HDAC9: variants seen among roughly 807,000 people sequenced by gnomAD.
The protein encoded by HDAC9 is histone deacetylase 9.
HDAC9 carries 41 observed loss-of-function variants against 139.4 expected under a neutral mutation model. The observed-to-expected ratio is 0.29, with a 90% CI of 0.23 to 0.38. HDAC9 has a LOEUF of 0.38. Among genes scored for constraint, HDAC9 ranks in the 10% least tolerant of loss-of-function variants. The pLI is 1.00. For missense variants in HDAC9, 1,147 were observed against 1,297.0 expected (o/e 0.88, Z 1.78); for synonymous variants, 517 against 476.2 (o/e 1.09, Z -1.12).
intron 7 of HDAC9, among the ~76,000 whole-genome samples, chr7:18,633,848 C>T (rs1008698393): frequency 6.6e-6 from 1 of 151,988 alleles, no homozygotes; most frequent in Admixed American, 6.6e-5. Context: ...TTAATAAATG[C>T]ATTAGTTTCT....
At chr7:18,861,753 C>A (rs1246228246) in intron 21 of HDAC9, among the ~76,000 whole-genome samples, 1 of 152,102 alleles carries the variant, frequency 6.6e-6, no homozygotes, top group African/African-American at 2.4e-5. Flanking sequence ...TTAAAATTAG[C>A]ATTGGCTTCT....
At chr7:18,269,652 T>C (rs140597357) in intron 2 of HDAC9, among the ~76,000 whole-genome samples, 2 of 151,884 alleles carry the variant, frequency 1.3e-5, no homozygotes, top group East Asian at 3.9e-4. Context: ...AGCCCTGGAG[T>C]TGGAGGTTGG....
chr7:18,891,162 A>T (rs1269654023), intron 22 of HDAC9, among the ~76,000 whole-genome samples: 1 of 152,114 alleles, frequency 6.6e-6, no homozygotes, highest in African/African-American at 2.4e-5. Context: ...TTAGTCAAAG[A>T]TTTCTCCCCA....
chr7:18,725,959 T>C (rs1178139084), intron 12 of HDAC9, among the ~76,000 whole-genome samples: 9 of 152,206 alleles, frequency 5.9e-5, no homozygotes, highest in African/African-American at 2.2e-4. Flanking sequence ...ATGTGAAATA[T>C]ACCTTCCAAT....
chr7:18,898,887 A>G (rs1801448286), intron 22 of HDAC9, among the ~76,000 whole-genome samples: 1 of 151,974 alleles, frequency 6.6e-6, no homozygotes, highest in South Asian at 2.1e-4. Context: ...CACTTACACA[A>G]TATGCTTAAA....
intron 2 of HDAC9, among the ~76,000 whole-genome samples, chr7:18,540,273 CAAA>C (rs967501382): frequency 2.3e-5 from 1 of 43,192 alleles, no homozygotes; most frequent in Non-Finnish European, 5.0e-5. Context: ...AACTCCATCT[CAAA>C]AAAAAAAAAA....
chr7:18,454,294 T>C (rs1793149902), intron 1 of HDAC9, among the ~76,000 whole-genome samples: 1 of 152,114 alleles, frequency 6.6e-6, no homozygotes, highest in South Asian at 2.1e-4. Flanking sequence ...CACTCGAATT[T>C]TGAGATTAAA....
intron 1 of HDAC9, among the ~76,000 whole-genome samples, chr7:18,089,388 C>T (rs918144139): frequency 1.3e-5 from 2 of 151,904 alleles, no homozygotes; most frequent in South Asian, 4.1e-4. Context: ...TTTATACATG[C>T]TTATAGATTT....
chr7:18,647,135 G>T (rs368640499), intron 9 of HDAC9, among the ~76,000 whole-genome samples: 1 of 152,032 alleles, frequency 6.6e-6, no homozygotes, highest in South Asian at 2.1e-4. Flanking sequence ...CTTATCTCCA[G>T]CTTCTTAATC....
intron 22 of HDAC9, among the ~76,000 whole-genome samples, chr7:18,920,687 A>G (rs1422727674): frequency 6.6e-6 from 1 of 152,102 alleles, no homozygotes; most frequent in Non-Finnish European, 1.5e-5. Context: ...TAATTTATTG[A>G]GCGTTTTTAG....
chr7:18,180,822 C>A (rs1409040906), intron 2 of HDAC9, among the ~76,000 whole-genome samples: 1 of 152,152 alleles, frequency 6.6e-6, no homozygotes, highest in Non-Finnish European at 1.5e-5. Flanking sequence ...ATCAGTTTCA[C>A]TGGGCTGAAA....
At position 18,461,704 on chromosome 7, in the gene HDAC9, G is replaced by A. The variant is rs375846441; in HGVS notation, c.-41-34558G>A. Among the ~76,000 whole-genome samples, 302 of 152,180 alleles carry A rather than the reference G, an allele frequency of 2.0e-3. 1 individual carries two copies. The highest frequency in any genetic ancestry group is 6.0e-3 in the African/African-American group (249 of 41,542). On this transcript the variant is annotated intron_variant, in intron 1 of 3. Coordinates refer to the HDAC9 transcript ENST00000413509. ...GTCATTGCCTACCTTTATCTCCAGG[G>A]CAGCATCTGATCAGAGATCTCCCTT...
chr7:18,291,420 A>T (rs867603391), intron 1 of HDAC9, among the ~76,000 whole-genome samples: 1 of 152,082 alleles, frequency 6.6e-6, no homozygotes, highest in East Asian at 1.9e-4. Flanking sequence ...CCTCACCTAA[A>T]AATGAATACA....
intron 1 of HDAC9, among the ~76,000 whole-genome samples, chr7:18,467,213 T>C (rs376220215): frequency 6.6e-6 from 1 of 152,224 alleles, no homozygotes; most frequent in Non-Finnish European, 1.5e-5. Context: ...TGTCAGTTAA[T>C]GGACTCACAT....
At chr7:18,534,622 G>A (rs1049500890) in intron 2 of HDAC9, among the ~76,000 whole-genome samples, 3 of 152,136 alleles carry the variant, frequency 2.0e-5, no homozygotes, top group Admixed American at 6.5e-5. Context: ...CTTATGAGTC[G>A]TTAGGTGTCT....
At chr7:18,813,067 T>G (rs1218157199) in intron 17 of HDAC9, among the ~76,000 whole-genome samples, 1 of 152,118 alleles carries the variant, frequency 6.6e-6, no homozygotes, top group Admixed American at 6.6e-5. Context: ...TGTAGATTGT[T>G]TGACATGCTT....
chr7:18,429,535 C>CTG (rs984834782), intron 1 of HDAC9, among the ~76,000 whole-genome samples: 2 of 150,762 alleles, frequency 1.3e-5, no homozygotes, highest in Middle Eastern at 3.4e-3. Flanking sequence ...AAGTTTGACT[C>CTG]TGTGTGTGTG....
intron 1 of HDAC9, among the ~76,000 whole-genome samples, chr7:18,152,309 T>C (rs1786840889): frequency 6.6e-6 from 1 of 152,204 alleles, no homozygotes; most frequent in South Asian, 2.1e-4. Context: ...AAACTGAAGG[T>C]CAGAATGGTA....
intron 22 of HDAC9, among the ~76,000 whole-genome samples, chr7:18,875,338 A>G (rs1431200059): frequency 1.3e-5 from 2 of 152,186 alleles, no homozygotes; most frequent in Non-Finnish European, 2.9e-5. Context: ...AGAAGAAAAA[A>G]GTAAAATTAC....
Sources: gnomAD v4.1 joint callset for allele counts (sites outside exome capture counted in the v4.1 genomes callset) on GRCh38, gnomAD v4.1.1 for gene constraint, MANE v1.5 for transcripts, NCBI Gene and HGNC (gene_info 2026-07-23, HGNC 2026-07-21) for gene names.